The following BCR variants were observed in gnomAD, a reference collection of about 807,000 sequenced individuals.
BCR encodes breakpoint cluster region protein.
Under a neutral mutation model 138.6 loss-of-function variants are expected in BCR, and 58 were observed. The ratio of observed to expected loss-of-function variants is 0.42; its 90% CI spans 0.34 to 0.52. The LOEUF is 0.52. BCR is among the 20% of genes least tolerant of loss of function. BCR has a pLI of 0.06. For synonymous variants in BCR, 786 were observed against 730.1 expected, an observed-to-expected ratio of 1.08 and a Z score of -1.23; for missense variants, 1,599 against 1,727.2, an observed-to-expected ratio of 0.93 and a Z score of 1.32.
At chr22:23,213,906 T>TG (rs1257622062) in intron 1 of BCR, among the ~76,000 whole-genome samples, 1 of 151,770 alleles carries the variant, frequency 6.6e-6, no homozygotes, top group Non-Finnish European at 1.5e-5. Flanking sequence ...GAGGCAGAGA[T>TG]GCGAGATTCC....
In BCR at chr22:23,316,034, A is replaced by G. The variant is rs1203712136; in HGVS notation, c.*512A>G. ...TTAGAAACCACACTCCACTTCTAAC[A>G]GGGTTTGAGAGGCTTAGTCAGCACT... On this transcript the variant is annotated 3_prime_UTR_variant, in exon 23 of 23. Transcript: ENST00000305877. 9.4e-6 allele frequency: 2 copies of G among 212,254 alleles called. No individual in the cohort carries two copies. The highest frequency in any genetic ancestry group is 1.6e-4 in the East Asian group (2 of 12,238). The allele number at this position is 212,254 out of a possible 1,614,324, so 13.1% of individuals were successfully genotyped here.
At chr22:23,262,701 GGGTGAGGGCGGGC>G in intron 4 of BCR, 2 of 182,294 alleles carry the variant, frequency 1.1e-5, no homozygotes, top group South Asian at 1.7e-4. Context: ...TGGCGGGCCC[GGGTGAGGGCGGGC>G]CCGGGTGAGG....
intron 2 of BCR, chr22:23,254,626 C>CCA: frequency 1.9e-6 from 1 of 517,952 alleles, no homozygotes; most frequent in South Asian, 1.4e-5. Context: ...GGTGCTGGAC[C>CCA]GCCCGGCCCT....
intron 1 of BCR, among the ~76,000 whole-genome samples, chr22:23,197,311 A>G (rs796655110): frequency 2.6e-5 from 4 of 151,950 alleles, no homozygotes; most frequent in African/African-American, 9.7e-5. Flanking sequence ...GGTACACTCT[A>G]TGATGTTTGC....
intron 21 of BCR, among the ~76,000 whole-genome samples, 188 bp downstream of exon 21, chr22:23,314,261 T>C (rs865931822): frequency 7.2e-5 from 11 of 152,174 alleles, no homozygotes; most frequent in South Asian, 4.1e-4. Flanking sequence ...CACCCTCCTC[T>C]CTCTGCACTG....
intron 10 of BCR, among the ~76,000 whole-genome samples, chr22:23,286,512 A>G (rs1367620984): frequency 6.6e-6 from 1 of 152,032 alleles, no homozygotes; most frequent in African/African-American, 2.4e-5. Context: ...CCCCACACAG[A>G]GTGGGAGCCA....
chr22:23,181,112 A>C lies in BCR; in HGVS notation c.152A>C (p.Gln51Pro). ...CGGCGCCTGGAGCAGGAGGTGAACC[A>C]GGAGCGCTTCCGCATGATCTACCTG... ...SIRRLEQEVN[Q>P]ERFRMIYLQT... The change falls in exon 1 of 23, where the codon CAG becomes CCG. Residue 51 changes from glutamine to proline, a missense_variant. Gln to Pro is a moderately conservative substitution (Grantham distance 76). Around this residue, in one of 4 missense-constraint regions of BCR, gnomAD observed 806 missense variants for 635.0 expected, o/e 1.27. Coordinates refer to ENST00000305877, the MANE Select transcript of BCR (RefSeq NM_004327.4). 1 of 1,503,240 alleles carries C rather than the reference A, an allele frequency of 6.7e-7. No homozygotes were observed. The highest frequency in any genetic ancestry group is 1.4e-5 in the African/African-American group (1 of 70,250). 93.1% of individuals were successfully genotyped at this position (1,503,240 alleles called of 1,614,324 possible). A position where few individuals can be genotyped will look rare whatever the true frequency, so the allele number is the denominator to read the frequency against.
Position 23,181,021 on chromosome 22 carries a change from C to G in BCR, c.61C>G (p.Pro21Ala). The G allele has an allele frequency of 6.7e-7, 1 of 1,496,074 alleles. No individual in the cohort carries two copies. The highest frequency in any genetic ancestry group is 9.0e-7 in the Non-Finnish European group (1 of 1,114,248). The allele number at this position is 1,496,074 out of a possible 1,614,324, so 92.7% of individuals were successfully genotyped here. A position where few individuals can be genotyped will look rare whatever the true frequency, so the allele number is the denominator to read the frequency against. The change falls in exon 1 of 23, where the codon CCG becomes GCG. Residue 21 changes from proline (P) to alanine (A), a missense_variant. This residue lies in a region of BCR where 806 missense variants were observed against 635.0 expected (regional missense o/e 1.27). Transcript: ENST00000305877. The stretch of plus-strand genomic sequence containing the variant: ...GGCGCAGTTCCCGGACTCAGAGCCC[C>G]CGCGCATGGAGCTGCGCTCAGTGGG... ...WKAQFPDSEP[P>A]RMELRSVGDI...
At chr22:23,305,204 T>G (rs2073944525) in intron 16 of BCR, among the ~76,000 whole-genome samples, 1 of 151,482 alleles carries the variant, frequency 6.6e-6, no homozygotes, top group South Asian at 2.1e-4. Context: ...TCTCTCCTGG[T>G]GAACACAGAG....
intron 2 of BCR, among the ~76,000 whole-genome samples, chr22:23,256,509 G>T (rs1378242051): frequency 6.6e-6 from 1 of 152,180 alleles, no homozygotes; most frequent in African/African-American, 2.4e-5. Flanking sequence ...GGTTCTTGGG[G>T]TGTTCGCCGG....
intron 1 of BCR, among the ~76,000 whole-genome samples, chr22:23,235,113 GT>G (rs1255223371): frequency 7.0e-6 from 1 of 143,544 alleles, no homozygotes; most frequent in Non-Finnish European, 1.6e-5. Flanking sequence ...GTTTTGTTTT[GT>G]TTTTTTGAGA....
At chr22:23,280,198 T>C (rs962435824) in intron 8 of BCR, among the ~76,000 whole-genome samples, 1 of 152,204 alleles carries the variant, frequency 6.6e-6, no homozygotes, top group Non-Finnish European at 1.5e-5. Context: ...CAGACTGGCC[T>C]TCCTGGGAAG....
intron 1 of BCR, among the ~76,000 whole-genome samples, chr22:23,191,360 C>T (rs1437746322): frequency 2.0e-5 from 3 of 152,242 alleles, no homozygotes; most frequent in Non-Finnish European, 2.9e-5. Context: ...TATTGAGCAT[C>T]TACTTTGTGC....
At chr22:23,216,311 T>A (rs1172354868) in intron 1 of BCR, among the ~76,000 whole-genome samples, 3 of 152,240 alleles carry the variant, frequency 2.0e-5, no homozygotes, top group African/African-American at 7.2e-5. Flanking sequence ...GTTTATAACC[T>A]CAGACGCAGT....
intron 4 of BCR, 62 bp from the exon 5 acceptor site, chr22:23,268,346 T>G: frequency 1.4e-6 from 2 of 1,384,902 alleles, no homozygotes; most frequent in Non-Finnish European, 2.0e-6. Context: ...GGGAGCCTGC[T>G]CTTCAGAAAG....
intron 16 of BCR, among the ~76,000 whole-genome samples, chr22:23,308,857 G>A (rs2073976885): frequency 6.6e-6 from 1 of 152,178 alleles, no homozygotes; most frequent in African/African-American, 2.4e-5. Context: ...AGAAGTTAGA[G>A]GGGTCACAGA....
At chr22:23,246,529 A>C (rs1273163240) in intron 1 of BCR, among the ~76,000 whole-genome samples, 1 of 152,174 alleles carries the variant, frequency 6.6e-6, no homozygotes, top group Non-Finnish European at 1.5e-5. Flanking sequence ...GCTAAGTCGT[A>C]AGGTTATCAA....
chr22:23,253,677 G>A (rs1602066982), intron 1 of BCR, 122 bp from the exon 2 acceptor site: 5 of 1,166,866 alleles, frequency 4.3e-6, no homozygotes, highest in South Asian at 3.0e-5. Context: ...CAGCATACCC[G>A]AGGTCGTTGT....
intron 1 of BCR, among the ~76,000 whole-genome samples, chr22:23,201,305 C>G (rs1279933879): frequency 6.6e-6 from 1 of 152,164 alleles, no homozygotes; most frequent in Non-Finnish European, 1.5e-5. Context: ...CTAAGCTCAC[C>G]TGGGTTGCTG....
Sources: allele counts gnomAD v4.1 joint callset (sites outside exome capture counted in the v4.1 genomes callset), GRCh38; gene constraint gnomAD v4.1.1; regional missense constraint gnomAD v4.1.1; transcripts MANE v1.5; gene names NCBI Gene and HGNC (gene_info 2026-07-23, HGNC 2026-07-21).